FGF14: variants seen among roughly 807,000 people sequenced by gnomAD.
FGF14 encodes the protein fibroblast growth factor 14.
FGF14 carries 5 observed loss-of-function variants against 25.5 expected under a neutral mutation model. The ratio of observed to expected loss-of-function variants is 0.20; its 90% CI spans 0.10 to 0.41. The LOEUF is 0.41. FGF14 is among the 10% of genes least tolerant of loss of function. The probability of loss-of-function intolerance (pLI) is 1.00; values close to 1 mark genes in which losing one functional copy is unlikely to be tolerated. For missense variants in FGF14, 222 were observed against 320.1 expected (o/e 0.69, Z 2.34); for synonymous variants, 138 against 118.3 (o/e 1.17, Z -1.08).
At chr13:102,196,559 C>T (rs1243856791) in intron 1 of FGF14, among the ~76,000 whole-genome samples, 1 of 152,076 alleles carries the variant, frequency 6.6e-6, no homozygotes, top group East Asian at 1.9e-4. Flanking sequence ...TTTTATTTTT[C>T]ATTGACCAAT....
intron 3 of FGF14, among the ~76,000 whole-genome samples, chr13:101,789,350 C>T (rs1011893008): frequency 2.0e-5 from 3 of 152,010 alleles, no homozygotes; most frequent in Admixed American, 2.0e-4. Context: ...CTAATATTAT[C>T]AACTTTTCAG....
chr13:102,129,834 A>G (rs965272011), intron 1 of FGF14, among the ~76,000 whole-genome samples: 7 of 151,556 alleles, frequency 4.6e-5, no homozygotes, highest in Non-Finnish European at 1.0e-4. Context: ...GTATAATAAT[A>G]AAAAAAAAGA....
At chr13:102,271,398 C>A (rs944237638) in intron 1 of FGF14, among the ~76,000 whole-genome samples, 45 of 152,158 alleles carry the variant, frequency 3.0e-4, no homozygotes, top group African/African-American at 1.0e-3. Flanking sequence ...TCTCTAAATA[C>A]TCCATGAACA....
At chr13:101,972,310 C>T (rs2037647718) in intron 1 of FGF14, among the ~76,000 whole-genome samples, 1 of 152,184 alleles carries the variant, frequency 6.6e-6, no homozygotes, top group African/African-American at 2.4e-5. Flanking sequence ...TGAATGACTA[C>T]CTGACTCAGG....
chr13:101,837,798 T>G (rs948901360), intron 3 of FGF14, among the ~76,000 whole-genome samples: 1 of 152,068 alleles, frequency 6.6e-6, no homozygotes, highest in Non-Finnish European at 1.5e-5. Flanking sequence ...GATTGAAGGA[T>G]GCAAAGTAGT....
intron 1 of FGF14, among the ~76,000 whole-genome samples, chr13:102,030,633 A>C (rs760438343): frequency 6.6e-6 from 1 of 152,044 alleles, no homozygotes; most frequent in Non-Finnish European, 1.5e-5. Context: ...CATTTCAAGA[A>C]GAGTCCAGGC....
intron 1 of FGF14, among the ~76,000 whole-genome samples, chr13:102,301,033 T>C (rs1325311728): frequency 6.6e-6 from 1 of 152,128 alleles, no homozygotes; most frequent in East Asian, 1.9e-4. Flanking sequence ...AAAAAGGCTA[T>C]TAGGCTATTA....
chr13:101,868,480 A>G, intron 3 of FGF14: 1 of 449,196 alleles, frequency 2.2e-6, no homozygotes, highest in Non-Finnish European at 4.1e-6. Flanking sequence ...TCACGTGTAT[A>G]CTAGGTTATT....
chr13:101,912,285 G>C (rs2033025791), intron 1 of FGF14, among the ~76,000 whole-genome samples: 3 of 152,056 alleles, frequency 2.0e-5, no homozygotes, highest in Admixed American at 1.3e-4. Flanking sequence ...AAGAAGCCCA[G>C]GCACCTGCTG....
intron 1 of FGF14, among the ~76,000 whole-genome samples, chr13:102,130,414 C>T (rs577835964): frequency 7.2e-5 from 11 of 152,264 alleles, no homozygotes; most frequent in East Asian, 5.8e-4. Context: ...GAACCTTTCA[C>T]GTATCACATC....
chr13:101,874,851 A>T (rs1171345528), intron 2 of FGF14, among the ~76,000 whole-genome samples: 1 of 152,160 alleles, frequency 6.6e-6, no homozygotes, highest in African/African-American at 2.4e-5. Context: ...CAAAGAAAAC[A>T]TGTAATTAAT....
chr13:102,085,185 A>T (rs559878751), intron 1 of FGF14, among the ~76,000 whole-genome samples: 2 of 150,350 alleles, frequency 1.3e-5, no homozygotes, highest in African/African-American at 5.0e-5. Context: ...ATTTAGACTA[A>T]AGCTAAGTTT....
At position 101,916,873 on chromosome 13, in the gene FGF14, C is replaced by T. The variant is rs1331898671; in HGVS notation, c.-228G>A. Among the ~76,000 whole-genome samples the T allele has an allele frequency of 1.3e-5, 2 of 152,114 alleles. No individual in the cohort carries two copies. The highest frequency in any genetic ancestry group is 2.9e-5 in the Non-Finnish European group (2 of 67,994). On this transcript the variant is annotated 5_prime_UTR_variant, in exon 1 of 5. Transcript: ENST00000376143. ...CAGATGCGCCCAGGGCGCAGCCGGA[C>T]GATCCCGGGAAGCCGGACGTCGTGG...
chr13:101,998,042 A>C (rs2039283002), intron 1 of FGF14, among the ~76,000 whole-genome samples: 2 of 152,058 alleles, frequency 1.3e-5, no homozygotes, highest in Admixed American at 1.3e-4. Context: ...TTAGCAAAAA[A>C]TCCTGAATAT....
At chr13:101,914,126 C>A (rs555135939) in intron 1 of FGF14, among the ~76,000 whole-genome samples, 1 of 151,556 alleles carries the variant, frequency 6.6e-6, no homozygotes, top group East Asian at 1.9e-4. Flanking sequence ...GGGCAATTCC[C>A]TATGTAAAGA....
intron 3 of FGF14, among the ~76,000 whole-genome samples, chr13:101,728,940 C>A (rs2035624996): frequency 6.6e-6 from 1 of 151,866 alleles, no homozygotes. Flanking sequence ...ACACCATCAG[C>A]AACTTAGGGA....
At chr13:101,838,872 G>A (rs1311098310) in intron 3 of FGF14, among the ~76,000 whole-genome samples, 1 of 152,036 alleles carries the variant, frequency 6.6e-6, no homozygotes, top group African/African-American at 2.4e-5. Flanking sequence ...TGAGGCAGAA[G>A]CTTGTATTTT....
At chr13:102,054,060 G>A (rs958535458) in intron 1 of FGF14, among the ~76,000 whole-genome samples, 9 of 152,090 alleles carry the variant, frequency 5.9e-5, no homozygotes, top group African/African-American at 1.7e-4. Context: ...CCATAGCTAT[G>A]GACATTTACT....
chr13:102,348,743 C>T (rs1025771595), intron 1 of FGF14, among the ~76,000 whole-genome samples: 5 of 152,174 alleles, frequency 3.3e-5, no homozygotes, highest in African/African-American at 9.7e-5. Context: ...GATCAAGAAA[C>T]CAGGAAACTG....
Sources: allele counts gnomAD v4.1 joint callset (sites outside exome capture counted in the v4.1 genomes callset), GRCh38; gene constraint gnomAD v4.1.1; transcripts MANE v1.5; gene names NCBI Gene and HGNC (gene_info 2026-07-23, HGNC 2026-07-21).